The following VPS13B variants were observed in gnomAD, a reference collection of about 807,000 sequenced individuals.
The protein encoded by VPS13B is intermembrane lipid transfer protein VPS13B.
VPS13B carries 285 observed loss-of-function variants against 426.4 expected under a neutral mutation model. The ratio of observed to expected loss-of-function variants is 0.67; its 90% confidence interval spans 0.61 to 0.74. The LOEUF (loss-of-function observed/expected upper bound fraction) is 0.74, where lower values mean the gene tolerates loss of function less well. Among genes scored for constraint, VPS13B ranks in the 30% least tolerant of loss-of-function variants. The pLI, the probability that VPS13B is intolerant of heterozygous loss-of-function variation, is 0.00. For synonymous variants in VPS13B, 1,676 were observed against 1,676.4 expected, an observed-to-expected ratio of 1.00 and a Z score of 0.01; for missense variants, 4,537 against 4,782.6, an observed-to-expected ratio of 0.95 and a Z score of 1.51.
At chr8:99,189,978 T>C (rs2132719729) in intron 16 of VPS13B, among the ~76,000 whole-genome samples, 1 of 152,330 alleles carries the variant, frequency 6.6e-6, no homozygotes, top group East Asian at 1.9e-4. Flanking sequence ...GTACTGTTTT[T>C]GTTTTTAATT....
chr8:99,521,858 G>A (rs1368269733), intron 30 of VPS13B, among the ~76,000 whole-genome samples: 1 of 152,082 alleles, frequency 6.6e-6, no homozygotes, highest in Admixed American at 6.5e-5. Context: ...ACTTTAAATA[G>A]ATCTAGGAAC....
chr8:99,221,768 C>G (rs1815738182), intron 17 of VPS13B, among the ~76,000 whole-genome samples: 1 of 152,092 alleles, frequency 6.6e-6, no homozygotes, highest in Admixed American at 6.5e-5. Flanking sequence ...TACAGGGGCA[C>G]AACCATCATA....
At chr8:99,868,535 C>T (rs928309196) in intron 59 of VPS13B, 70 bp downstream of exon 59, 14 of 1,540,670 alleles carry the variant, frequency 9.1e-6, no homozygotes, top group African/African-American at 1.4e-5. Context: ...CAAGGGTTCC[C>T]TAAGATAGTG....
chr8:99,853,407 A>C (rs1320112182), intron 55 of VPS13B, 44 bp from the exon 56 acceptor site: 3 of 1,601,718 alleles, frequency 1.9e-6, no homozygotes, highest in Admixed American at 1.7e-5. Context: ...AGAGAAAGAA[A>C]AGGTGAGTGG....
chr8:99,829,400 T>G (rs1230709794), intron 51 of VPS13B, among the ~76,000 whole-genome samples: 2 of 152,366 alleles, frequency 1.3e-5, no homozygotes, highest in East Asian at 3.8e-4. Context: ...TATTGATACT[T>G]GTGTATGCTT....
At chr8:99,360,196 C>T (rs1190405823) in intron 19 of VPS13B, among the ~76,000 whole-genome samples, 519 of 38,824 alleles carry the variant, frequency 0.013, 16 homozygotes, top group African/African-American at 0.031. Flanking sequence ...CTTTCTCTCT[C>T]TCTCTCTCTC....
At chr8:99,149,306 A>G (rs1008450148) in intron 14 of VPS13B, among the ~76,000 whole-genome samples, 2 of 152,158 alleles carry the variant, frequency 1.3e-5, no homozygotes, top group African/African-American at 4.8e-5. Context: ...TATACATACA[A>G]GGCCTTATTT....
At chr8:99,597,873 G>T (rs1289341213) in intron 33 of VPS13B, among the ~76,000 whole-genome samples, 1 of 151,932 alleles carries the variant, frequency 6.6e-6, no homozygotes, top group Non-Finnish European at 1.5e-5. Flanking sequence ...ATAAAACCCA[G>T]GGAAAATACT....
chr8:99,612,605 C>T (rs990280641), intron 33 of VPS13B, among the ~76,000 whole-genome samples: 9 of 152,188 alleles, frequency 5.9e-5, no homozygotes, highest in South Asian at 2.1e-4. Flanking sequence ...TAAATAAGAA[C>T]TCAGCCTGCT....
At chr8:99,582,729 C>T (rs951582766) in intron 33 of VPS13B, among the ~76,000 whole-genome samples, 5 of 152,090 alleles carry the variant, frequency 3.3e-5, no homozygotes, top group Non-Finnish European at 5.9e-5. Context: ...AATCTCGGCT[C>T]ACTGCAAGCT....
chr8:99,868,401 A>C lies in VPS13B; in HGVS notation c.11328A>C (p.Gly3776=). ...GTGTCATCTCGGGTGTGGGGAAAGG[A>C]ATCATGGGGGTGTTCACAAAGCCCA... ...AKGVISGVGK[G]IMGVFTKPIG... is the part of the protein sequence containing the mutation. The change falls in exon 59 of 62, where the codon GGA becomes GGC. Residue 3776 remains glycine (G), a synonymous_variant. Coordinates refer to ENST00000357162, the MANE Select transcript of VPS13B (RefSeq NM_152564.5). 1 of 1,614,106 alleles carries C rather than the reference A, an allele frequency of 6.2e-7. No homozygotes were observed. The highest frequency in any genetic ancestry group is 8.5e-7 in the Non-Finnish European group (1 of 1,180,026).
At chr8:99,302,298 G>A (rs540842892) in intron 19 of VPS13B, among the ~76,000 whole-genome samples, 219 of 152,262 alleles carry the variant, frequency 1.4e-3, no homozygotes, top group Admixed American at 2.6e-3. Flanking sequence ...TATGATGTGT[G>A]TTTTGTTTTA....
intron 17 of VPS13B, chr8:99,241,232 G>T (rs1336631243): frequency 6.6e-6 from 1 of 152,166 alleles, no homozygotes; most frequent in East Asian, 1.9e-4. Context: ...AATAAAAGCT[G>T]CTATTAAAAA....
At chr8:99,242,009 C>T (rs1358932832) in intron 17 of VPS13B, among the ~76,000 whole-genome samples, 1 of 151,828 alleles carries the variant, frequency 6.6e-6, no homozygotes, top group Non-Finnish European at 1.5e-5. Context: ...GTTGGAGTCT[C>T]GCTATTGTCA....
At chr8:99,045,080 A>G (rs1274115598) in intron 3 of VPS13B, among the ~76,000 whole-genome samples, 1 of 152,162 alleles carries the variant, frequency 6.6e-6, no homozygotes, top group African/African-American at 2.4e-5. Flanking sequence ...CAGTAGTGGG[A>G]TTGCTGGATC....
intron 3 of VPS13B, among the ~76,000 whole-genome samples, chr8:99,095,979 G>A (rs1050293327): frequency 3.9e-5 from 6 of 152,126 alleles, no homozygotes; most frequent in African/African-American, 1.4e-4. Context: ...CTTACATAGA[G>A]ATGGATGTTG....
chr8:99,813,818 ATCTAGCAGG>A (rs1199581875), intron 44 of VPS13B, among the ~76,000 whole-genome samples: 1 of 152,226 alleles, frequency 6.6e-6, no homozygotes, highest in Non-Finnish European at 1.5e-5. Flanking sequence ...TGGTTCCTCA[ATCTAGCAGG>A]TTTCTTTTGA....
At chr8:99,228,291 T>A (rs1224955391) in intron 17 of VPS13B, among the ~76,000 whole-genome samples, 1 of 152,172 alleles carries the variant, frequency 6.6e-6, no homozygotes, top group Non-Finnish European at 1.5e-5. Context: ...TTTGGCTTGG[T>A]TTTTGTCCCT....
chr8:99,258,454 TCTC>T (rs1285401165), intron 17 of VPS13B, among the ~76,000 whole-genome samples: 10 of 152,048 alleles, frequency 6.6e-5, no homozygotes, highest in Non-Finnish European at 1.3e-4. Flanking sequence ...TTATCATTCT[TCTC>T]CTGACATAGC....
Sources: allele counts gnomAD v4.1 joint callset (sites outside exome capture counted in the v4.1 genomes callset), GRCh38; gene constraint gnomAD v4.1.1; transcripts MANE v1.5; gene names NCBI Gene and HGNC (gene_info 2026-07-23, HGNC 2026-07-21).